Variants in PSD3 observed in about 807,000 individuals in gnomAD.
PSD3 encodes PH and SEC7 domain-containing protein 3.
PSD3 carries 49 observed loss-of-function variants against 105.5 expected under a neutral mutation model. The observed-to-expected ratio is 0.46, with a 90% confidence interval of 0.37 to 0.59. PSD3 has a LOEUF of 0.59. Ranked by LOEUF, PSD3 falls within the 20% of genes least tolerant of loss-of-function variation. The pLI is 0.00. For synonymous variants in PSD3, 557 were observed against 457.8 expected (o/e 1.22, Z -2.77); for missense variants, 1,561 against 1,263.8 (o/e 1.24, Z -3.57).
chr8:18,777,340 C>G (rs749153330), intron 8 of PSD3, among the ~76,000 whole-genome samples: 2 of 152,166 alleles, frequency 1.3e-5, no homozygotes, highest in Non-Finnish European at 2.9e-5. Context: ...TGTGCCTTGC[C>G]AATTTTGCCA....
chr8:18,785,532 C>T (rs1185166173), intron 8 of PSD3, among the ~76,000 whole-genome samples: 1 of 152,166 alleles, frequency 6.6e-6, no homozygotes, highest in Non-Finnish European at 1.5e-5. Context: ...CTATCTACAC[C>T]ACCAAAACTT....
intron 4 of PSD3, among the ~76,000 whole-genome samples, chr8:18,807,050 GTGTTA>G (rs1223367473): frequency 6.6e-6 from 1 of 152,154 alleles, no homozygotes; most frequent in Non-Finnish European, 1.5e-5. Flanking sequence ...TATCTCAATG[GTGTTA>G]TGTTTTTAAA....
chr8:18,646,709 T>C (rs1585489105), intron 10 of PSD3, among the ~76,000 whole-genome samples: 1 of 152,200 alleles, frequency 6.6e-6, no homozygotes, highest in African/African-American at 2.4e-5. Flanking sequence ...AGAAAACTAT[T>C]CGTCCTTATG....
intron 1 of PSD3, among the ~76,000 whole-genome samples, chr8:18,977,194 A>T (rs1824988878): frequency 7.0e-6 from 1 of 143,830 alleles, no homozygotes; most frequent in Non-Finnish European, 1.5e-5. Context: ...CAGAAGGCGG[A>T]GGTTGCAGTG....
intron 4 of PSD3, among the ~76,000 whole-genome samples, chr8:18,833,291 C>T (rs1435302066): frequency 6.6e-6 from 1 of 152,170 alleles, no homozygotes; most frequent in Non-Finnish European, 1.5e-5. Context: ...GTGAAGAACA[C>T]AGAGCAGGCA....
At chr8:18,951,262 G>T (rs964938368) in intron 1 of PSD3, among the ~76,000 whole-genome samples, 4 of 152,134 alleles carry the variant, frequency 2.6e-5, no homozygotes, top group African/African-American at 7.2e-5. Flanking sequence ...AGGTGTGGTG[G>T]CACATGCCTG....
intron 4 of PSD3, among the ~76,000 whole-genome samples, chr8:18,843,123 G>C (rs1814788061): frequency 6.6e-6 from 1 of 152,118 alleles, no homozygotes; most frequent in African/African-American, 2.4e-5. Flanking sequence ...CTCTTTGGGA[G>C]GCCGAGACGG....
In PSD3 at chr8:18,937,858, G is replaced by A. The variant is rs145863342; in HGVS notation, c.22-1716C>T. Reference sequence around the variant, plus strand: ...AAAGCTCTCTGAGAAACTAACGCCTGCAGAGATGAGAAATATGACAGGCTG... The same window carrying A: ...AAAGCTCTCTGAGAAACTAACGCCTACAGAGATGAGAAATATGACAGGCTG... On this transcript the variant is annotated intron_variant, in intron 1 of 15. Transcript: ENST00000327040. Among the ~76,000 whole-genome samples, 431 of 152,296 alleles carry A rather than the reference G, an allele frequency of 2.8e-3. 1 individual carries two copies. The highest frequency in any genetic ancestry group is 4.6e-3 in the Non-Finnish European group (313 of 68,026).
chr8:18,975,897 C>T (rs918494582), intron 1 of PSD3, among the ~76,000 whole-genome samples: 1 of 152,202 alleles, frequency 6.6e-6, no homozygotes, highest in East Asian at 1.9e-4. Flanking sequence ...GAAATAGGCA[C>T]CCTGACATAC....
intron 9 of PSD3, among the ~76,000 whole-genome samples, chr8:18,665,921 TATC>T (rs543604526): frequency 3.7e-4 from 57 of 152,314 alleles, no homozygotes; most frequent in African/African-American, 1.3e-3. Flanking sequence ...GCCACAGTCA[TATC>T]AACCTTCAGC....
intron 1 of PSD3, among the ~76,000 whole-genome samples, chr8:18,956,427 A>G (rs923504511): frequency 1.3e-5 from 2 of 152,152 alleles, no homozygotes; most frequent in Admixed American, 6.5e-5. Flanking sequence ...ACTGCAAATC[A>G]TAAGAAAGTA....
chr8:18,562,908 AAAAAGAAAAAGAAAAAGAAAAAG>A (rs1433859883), intron 14 of PSD3, among the ~76,000 whole-genome samples: 33 of 17,232 alleles, frequency 1.9e-3, no homozygotes, highest in East Asian at 5.6e-3. Context: ...AAAGAAAAAG[AAAAAGAAAAAGAAAAAGAAAAAG>A]AAAAAACAAA....
At chr8:18,909,380 A>G (rs1820055873) in intron 2 of PSD3, among the ~76,000 whole-genome samples, 1 of 152,186 alleles carries the variant, frequency 6.6e-6, no homozygotes, top group African/African-American at 2.4e-5. Flanking sequence ...CACACACAAA[A>G]TATTGTTGCA....
At chr8:18,708,647 T>G (rs1325331616) in intron 9 of PSD3, among the ~76,000 whole-genome samples, 1 of 152,058 alleles carries the variant, frequency 6.6e-6, no homozygotes. Flanking sequence ...ACCCTCTATT[T>G]TCTACTGCAT....
chr8:19,041,170 T>A (rs1302414617), intron 1 of PSD3, among the ~76,000 whole-genome samples: 3 of 152,192 alleles, frequency 2.0e-5, no homozygotes, highest in Non-Finnish European at 4.4e-5. Context: ...GTGCTGGTAC[T>A]GCAGGTGTAA....
intron 2 of PSD3, among the ~76,000 whole-genome samples, chr8:18,897,696 G>C (rs1405990644): frequency 6.6e-6 from 1 of 152,014 alleles, no homozygotes; most frequent in Non-Finnish European, 1.5e-5. Context: ...GTGTTTTATA[G>C]TTTTCCTTGC....
chr8:18,533,505 A>G lies in PSD3; in HGVS notation c.*2238T>C, dbSNP rs1799711866. On this transcript the variant is annotated 3_prime_UTR_variant, in exon 16 of 16. Coordinates refer to ENST00000327040, the MANE Select transcript of PSD3 (RefSeq NM_015310.4). The stretch of plus-strand genomic sequence containing the variant: ...GGTGCTGATGCTAGCCGAGTATTTC[A>G]ACACTACTCTAAATGTCAGAAATAC... The G allele has an allele frequency of 6.6e-6, 1 of 152,180 alleles. No individual in the cohort carries two copies. Among genetic ancestry groups the G allele is most frequent in the South Asian group, 2.1e-4 (1 of 4,824 alleles). The allele number at this position is 152,180 out of a possible 1,614,324, so 9.4% of individuals were successfully genotyped here. A position where few individuals can be genotyped will look rare whatever the true frequency, so the allele number is the denominator to read the frequency against.
chr8:18,759,246 T>C (rs542397641), intron 9 of PSD3, among the ~76,000 whole-genome samples: 31 of 152,216 alleles, frequency 2.0e-4, no homozygotes, highest in African/African-American at 6.5e-4. Flanking sequence ...ATGTCAAACA[T>C]CTAATAGCAA....
chr8:19,054,456 A>G (rs1046866211), intron 1 of PSD3, among the ~76,000 whole-genome samples: 6 of 152,174 alleles, frequency 3.9e-5, no homozygotes, highest in Admixed American at 1.3e-4. Flanking sequence ...AGGGAAAGAA[A>G]AAAGAAAGGA....
Sources: allele counts gnomAD v4.1 joint callset (sites outside exome capture counted in the v4.1 genomes callset), GRCh38; gene constraint gnomAD v4.1.1; transcripts MANE v1.5; gene names NCBI Gene and HGNC (gene_info 2026-07-23, HGNC 2026-07-21).